CLEC12A: variants seen among roughly 807,000 people sequenced by gnomAD.
The protein encoded by CLEC12A is C-type lectin domain family 12 member A.
A neutral mutation model predicts 26.5 loss-of-function variants in CLEC12A; 22 were observed. The ratio of observed to expected loss-of-function variants is 0.83; its 90% CI spans 0.59 to 1.19. The LOEUF (loss-of-function observed/expected upper bound fraction) is 1.19, where lower values mean the gene tolerates loss of function less well. CLEC12A is among the 50% of genes most tolerant of loss of function. CLEC12A has a pLI of 0.00. For synonymous variants in CLEC12A, 119 were observed against 101.9 expected (o/e 1.17, Z -1.01); for missense variants, 353 against 315.6 (o/e 1.12, Z -0.90).
chr12:10,003,788 C>T, the CLEC12A span, among the ~76,000 whole-genome samples: 19 of 152,114 alleles, frequency 1.2e-4, no homozygotes, highest in Admixed American at 9.2e-4. Context: ...TGGTGGTGTG[C>T]GCCTGTAGTC....
At chr12:10,005,553 T>C in the CLEC12A span, among the ~76,000 whole-genome samples, 1 of 152,246 alleles carries the variant, frequency 6.6e-6, no homozygotes, top group African/African-American at 2.4e-5. Context: ...ATGACAGATT[T>C]ACTATTAAGA....
downstream of CLEC12A, among the ~76,000 whole-genome samples, chr12:9,998,644 T>TTTG (rs1555145642): frequency 6.9e-6 from 1 of 145,618 alleles, no homozygotes; most frequent in East Asian, 2.0e-4. Context: ...GTGTTTGTAT[T>TTTG]TTTTGTTTTG....
intron 1 of CLEC12A, among the ~76,000 whole-genome samples, chr12:9,954,884 T>C (rs747529662): frequency 3.9e-5 from 6 of 152,224 alleles, no homozygotes; most frequent in Non-Finnish European, 7.3e-5. Context: ...AGCATACTTT[T>C]TTTGTTTGGG....
intron 4 of CLEC12A, among the ~76,000 whole-genome samples, chr12:9,993,793 C>T (rs1021491187): frequency 1.3e-5 from 2 of 152,100 alleles, no homozygotes; most frequent in Admixed American, 6.6e-5. Context: ...TTGTAATTGT[C>T]TGTTAAGTTA....
At chr12:9,954,378 C>G (rs1392916451) in intron 1 of CLEC12A, among the ~76,000 whole-genome samples, 1 of 151,874 alleles carries the variant, frequency 6.6e-6, no homozygotes, top group Non-Finnish European at 1.5e-5. Context: ...ACCTGTAGTC[C>G]CAGCTACTCA....
intron 3 of CLEC12A, among the ~76,000 whole-genome samples, chr12:9,980,090 A>G (rs1218334998): frequency 6.6e-6 from 1 of 152,208 alleles, no homozygotes; most frequent in African/African-American, 2.4e-5. Flanking sequence ...GGTGGGGTTA[A>G]TTCTTACTAT....
At chr12:9,956,770 A>G (rs923887120) in intron 1 of CLEC12A, among the ~76,000 whole-genome samples, 2 of 152,220 alleles carry the variant, frequency 1.3e-5, no homozygotes, top group Non-Finnish European at 2.9e-5. Context: ...GGGGAGCTGG[A>G]GAGAGAAACA....
chr12:9,961,357 G>A (rs933847342), intron 1 of CLEC12A, among the ~76,000 whole-genome samples: 12 of 152,150 alleles, frequency 7.9e-5, no homozygotes, highest in Non-Finnish European at 1.8e-4. Flanking sequence ...AGATGGTTGA[G>A]GGGCCTTAGA....
downstream of CLEC12A, among the ~76,000 whole-genome samples, chr12:9,988,687 T>C (rs1864824930): frequency 1.3e-5 from 2 of 152,168 alleles, no homozygotes; most frequent in African/African-American, 4.8e-5. Flanking sequence ...CCAGTTAGAA[T>C]GGTGATCATT....
chr12:9,956,344 C>T (rs1361304718), intron 1 of CLEC12A, among the ~76,000 whole-genome samples: 1 of 152,184 alleles, frequency 6.6e-6, no homozygotes, highest in African/African-American at 2.4e-5. Flanking sequence ...GCACATTGTA[C>T]ATGGAATCAT....
At chr12:9,983,662 C>G in intron 5 of CLEC12A, 2 of 573,708 alleles carry the variant, frequency 3.5e-6, no homozygotes, top group Non-Finnish European at 6.2e-6. Context: ...GGTGCCACCA[C>G]AGCGAGTTTA....
chr12:10,002,505 C>T, the CLEC12A span, among the ~76,000 whole-genome samples: 8 of 42,674 alleles, frequency 1.9e-4, no homozygotes, highest in Non-Finnish European at 4.1e-4. Context: ...TGCAGTGGCG[C>T]GATCTCGGCT....
At chr12:9,979,110 C>A in intron 2 of CLEC12A, 46 bp downstream of exon 2, 1 of 1,474,334 alleles carries the variant, frequency 6.8e-7, no homozygotes, top group Non-Finnish European at 9.5e-7. Flanking sequence ...TCTAGAATTT[C>A]AAATATTTAG....
intron 4 of CLEC12A, among the ~76,000 whole-genome samples, chr12:9,990,650 T>A (rs1270576446): frequency 6.6e-6 from 1 of 152,248 alleles, no homozygotes; most frequent in Non-Finnish European, 1.5e-5. Flanking sequence ...GTATTCTGAA[T>A]ATTGCATAAA....
At chr12:9,975,415 G>A (rs1864296986) in intron 1 of CLEC12A, among the ~76,000 whole-genome samples, 1 of 152,176 alleles carries the variant, frequency 6.6e-6, no homozygotes, top group Non-Finnish European at 1.5e-5. Flanking sequence ...GGGAGCAAAG[G>A]TGACTCTTGT....
At chr12:9,990,140 C>T (rs1478070323), downstream of CLEC12A, among the ~76,000 whole-genome samples, 2 of 152,072 alleles carry the variant, frequency 1.3e-5, no homozygotes, top group Non-Finnish European at 2.9e-5. Context: ...TGTTTTCAGT[C>T]CTGCTAACAC....
chr12:9,960,946 A>T (rs550162878), intron 1 of CLEC12A, among the ~76,000 whole-genome samples: 1 of 152,164 alleles, frequency 6.6e-6, no homozygotes, highest in Admixed American at 6.5e-5. Context: ...ATTTGAAGAG[A>T]TTTATTCTGA....
At chr12:9,956,387 C>T (rs1430020534) in intron 1 of CLEC12A, among the ~76,000 whole-genome samples, 1 of 152,022 alleles carries the variant, frequency 6.6e-6, no homozygotes, top group African/African-American at 2.4e-5. Flanking sequence ...CTTAGTAATC[C>T]TAAATTTTAA....
intron 1 of CLEC12A, among the ~76,000 whole-genome samples, chr12:9,977,697 C>T (rs1864392806): frequency 6.6e-6 from 1 of 152,116 alleles, no homozygotes; most frequent in South Asian, 2.1e-4. Context: ...TTCTCCCTTT[C>T]TTTCTTTCTC....
Sources: gnomAD v4.1 joint callset for allele counts (sites outside exome capture counted in the v4.1 genomes callset) on GRCh38, gnomAD v4.1.1 for gene constraint, MANE v1.5 for transcripts, NCBI Gene and HGNC (gene_info 2026-07-23, HGNC 2026-07-21) for gene names.